TBX19: variants seen among roughly 807,000 people sequenced by gnomAD.
The protein encoded by TBX19 is T-box transcription factor TBX19.
Under a neutral mutation model 40.9 loss-of-function variants are expected in TBX19, and 33 were observed. The observed-to-expected ratio is 0.81, with a 90% CI of 0.61 to 1.08. TBX19 has a LOEUF of 1.08. TBX19 is among the 50% of genes least tolerant of loss of function. The pLI is 0.00. For synonymous variants in TBX19, 220 were observed against 225.0 expected (o/e 0.98, Z 0.20); for missense variants, 494 against 574.0 (o/e 0.86, Z 1.42).
intron 5 of TBX19, among the ~76,000 whole-genome samples, chr1:168,303,297 T>C (rs1055362709): frequency 1.3e-5 from 2 of 152,136 alleles, no homozygotes; most frequent in Non-Finnish European, 2.9e-5. Flanking sequence ...CGGTGTTTGG[T>C]TTTTTGTCCT....
intron 1 of TBX19, among the ~76,000 whole-genome samples, chr1:168,285,734 C>T (rs1648789337): frequency 6.6e-6 from 1 of 152,230 alleles, no homozygotes; most frequent in South Asian, 2.1e-4. Context: ...TTATCCCTCA[C>T]ACTCTGGGTT....
chr1:168,297,230 G>A (rs1649135081), intron 3 of TBX19, among the ~76,000 whole-genome samples: 1 of 152,148 alleles, frequency 6.6e-6, no homozygotes, highest in Non-Finnish European at 1.5e-5. Context: ...ATGTGTAAGT[G>A]ATTATTTATG....
chr1:168,297,515 A>C, intron 3 of TBX19: 1 of 637,310 alleles, frequency 1.6e-6, no homozygotes. Flanking sequence ...TGCCAGAGAC[A>C]GCGCAGTGGT....
intron 1 of TBX19, among the ~76,000 whole-genome samples, chr1:168,286,545 T>C (rs1256813587): frequency 2.0e-5 from 3 of 152,274 alleles, no homozygotes; most frequent in African/African-American, 7.2e-5. Flanking sequence ...TCATCAATGT[T>C]GTAGCATGTA....
At chr1:168,297,658 CA>C in intron 3 of TBX19, 65 bp from the exon 4 acceptor site, 1 of 1,434,774 alleles carries the variant, frequency 7.0e-7, no homozygotes, top group Non-Finnish European at 9.8e-7. Context: ...TTACAGAAGA[CA>C]AAGGGTTCTG....
Position 168,281,155 on chromosome 1 carries a change from T to A in TBX19, c.65T>A (p.Val22Glu), listed in dbSNP as rs1473760635. 2 of 1,614,062 alleles carry A rather than the reference T, an allele frequency of 1.2e-6. No homozygotes were observed. The highest frequency in any genetic ancestry group is 4.5e-5 in the East Asian group (2 of 44,870). Residue 22 changes from valine to glutamate, a missense_variant, in exon 1 of 8, where the codon GTG becomes GAG. Coordinates refer to ENST00000367821, the MANE Select transcript of TBX19 (RefSeq NM_005149.3). ...GGCACTGTTTCTCATCTGCTCAATGTGGTGGAGAGTGAGCTTCAGGCAGGG... is the reference window on the plus strand; with the variant it reads ...GGCACTGTTTCTCATCTGCTCAATGAGGTGGAGAGTGAGCTTCAGGCAGGG... ...SDGTVSHLLN[V>E]VESELQAGRE...
intron 4 of TBX19, among the ~76,000 whole-genome samples, chr1:168,299,150 C>T (rs1251049804): frequency 6.6e-6 from 1 of 151,648 alleles, no homozygotes; most frequent in Non-Finnish European, 1.5e-5. Context: ...GAACTCCTGA[C>T]CTCAGGTCAT....
At chr1:168,307,767 G>A (rs961923098) in intron 6 of TBX19, among the ~76,000 whole-genome samples, 2 of 152,148 alleles carry the variant, frequency 1.3e-5, no homozygotes, top group South Asian at 4.2e-4. Context: ...TATTCAAGGT[G>A]TACAACATGA....
intron 3 of TBX19, among the ~76,000 whole-genome samples, chr1:168,294,797 C>T (rs1041234085): frequency 6.6e-5 from 10 of 152,190 alleles, no homozygotes; most frequent in Admixed American, 1.3e-4. Context: ...CCACCGTGCC[C>T]GGCCCTTTAT....
rs762183325 is a variant in TBX19, at chr1:168,291,266, G to A, written c.310G>A (p.Val104Ile). Residue 104 changes from valine to isoleucine, a missense_variant, in exon 2 of 8, where the codon GTC (valine) becomes ATC (isoleucine). Coordinates refer to ENST00000367821, the MANE Select transcript of TBX19 (RefSeq NM_005149.3). ...TACGGACAGTCACCGCTGGAAGTAC[G>A]TCAACGGGGAATGGGTGCCCGCTGG... ...VPTDSHRWKY[V>I]NGEWVPAGKP... 7.8e-5 allele frequency: 126 copies of A among 1,614,088 alleles called. No individual in the cohort carries two copies. The highest frequency in any genetic ancestry group is 1.1e-4 in the Non-Finnish European group (124 of 1,180,046).
At chr1:168,307,890 T>C (rs1649439943) in intron 6 of TBX19, 1 of 152,196 alleles carries the variant, frequency 6.6e-6, no homozygotes, top group African/African-American at 2.4e-5. Flanking sequence ...AAATCTATTC[T>C]CTTAGCAAAT....
chr1:168,300,231 A>G (rs1649242909), intron 4 of TBX19, among the ~76,000 whole-genome samples, 191 bp from the exon 5 acceptor site: 1 of 152,116 alleles, frequency 6.6e-6, no homozygotes, highest in Non-Finnish European at 1.5e-5. Context: ...TGCAACTCCA[A>G]GAGCAATTGC....
At chr1:168,304,485 A>T (rs1425003871) in intron 5 of TBX19, among the ~76,000 whole-genome samples, 1 of 152,224 alleles carries the variant, frequency 6.6e-6, no homozygotes, top group Admixed American at 6.5e-5. Flanking sequence ...TAGTGATGTT[A>T]TCTGCAGGAG....
chr1:168,290,152 G>A (rs984583384), intron 1 of TBX19, among the ~76,000 whole-genome samples: 3 of 152,124 alleles, frequency 2.0e-5, no homozygotes, highest in Admixed American at 2.0e-4. Flanking sequence ...GAAAAAAAAA[G>A]AAGTCTAAAT....
chr1:168,298,624 T>G (rs1649177154), intron 4 of TBX19, among the ~76,000 whole-genome samples: 1 of 151,924 alleles, frequency 6.6e-6, no homozygotes, highest in Non-Finnish European at 1.5e-5. Context: ...TTCTCTCTTT[T>G]TTCCTTTCTT....
chr1:168,306,220 G>A (rs925704092), intron 6 of TBX19, among the ~76,000 whole-genome samples: 2 of 152,206 alleles, frequency 1.3e-5, no homozygotes, highest in Non-Finnish European at 2.9e-5. Context: ...CAGAAACTGA[G>A]CAGTGGCTCA....
rs1254730391 is a variant in TBX19 at position 168,291,264 on chromosome 1, A to C, written c.308A>C (p.Tyr103Ser). ...CCTACGGACAGTCACCGCTGGAAGT[A>C]CGTCAACGGGGAATGGGTGCCCGCT... is the stretch of plus-strand genomic sequence containing the variant. ...FVPTDSHRWK[Y>S]VNGEWVPAGK... The change falls in exon 2 of 8, where the codon TAC becomes TCC. Residue 103 changes from tyrosine (Y) to serine (S), a missense_variant. By Grantham distance (144) the Tyr-to-Ser change is moderately radical (BLOSUM62 -2). Coordinates refer to ENST00000367821, the MANE Select transcript of TBX19 (RefSeq NM_005149.3). 5.0e-6 allele frequency: 8 copies of C among 1,614,262 alleles called. No homozygotes were observed. The highest frequency in any genetic ancestry group is 6.8e-6 in the Non-Finnish European group (8 of 1,180,044).
chr1:168,285,241 G>T (rs1441399098), intron 1 of TBX19, among the ~76,000 whole-genome samples: 1 of 145,386 alleles, frequency 6.9e-6, no homozygotes, highest in African/African-American at 2.6e-5. Flanking sequence ...ATAAATGTCA[G>T]CATCCATGCA....
At chr1:168,298,061 T>TC (rs1649160647) in intron 4 of TBX19, among the ~76,000 whole-genome samples, 1 of 151,976 alleles carries the variant, frequency 6.6e-6, no homozygotes, top group Non-Finnish European at 1.5e-5. Flanking sequence ...CCGGGTGTGG[T>TC]GGCGGGCGCC....
Sources: allele counts gnomAD v4.1 joint callset (sites outside exome capture counted in the v4.1 genomes callset), GRCh38; gene constraint gnomAD v4.1.1; transcripts MANE v1.5; gene names NCBI Gene and HGNC (gene_info 2026-07-23, HGNC 2026-07-21).